Variants in SLC6A11 observed in about 807,000 individuals in gnomAD.
SLC6A11 encodes solute carrier family 6 member 11, also known as sodium- and chloride-dependent GABA transporter 3.
A neutral mutation model predicts 74.8 loss-of-function variants in SLC6A11; 25 were observed. The ratio of observed to expected loss-of-function variants is 0.33; its 90% CI spans 0.24 to 0.47. The LOEUF (loss-of-function observed/expected upper bound fraction) is 0.47. SLC6A11 is among the 20% of genes least tolerant of loss of function. The pLI is 1.00. For missense variants in SLC6A11, 574 were observed against 837.0 expected (o/e 0.69, Z 3.88); for synonymous variants, 330 against 330.2 (o/e 1.00, Z 0.01).
intron 5 of SLC6A11, among the ~76,000 whole-genome samples, chr3:10,850,357 C>G (rs1694557911): frequency 1.3e-5 from 2 of 152,346 alleles, no homozygotes; most frequent in South Asian, 4.1e-4. Flanking sequence ...CTCGCTCATT[C>G]ATTCACTCAC....
chr3:10,931,776 T>C (rs2697158), intron 10 of SLC6A11, among the ~76,000 whole-genome samples: 25,755 of 152,144 alleles, frequency 0.17, 2,301 homozygotes, highest in South Asian at 0.21. Context: ...CACACCCACC[T>C]CCCTTTTCTC....
chr3:10,866,587 G>A (rs554769479), intron 5 of SLC6A11, among the ~76,000 whole-genome samples: 32 of 152,198 alleles, frequency 2.1e-4, no homozygotes, highest in Non-Finnish European at 3.8e-4. Flanking sequence ...CCCCACACAC[G>A]GGCTAATTTT....
At chr3:10,934,535 T>C (rs1183608036) in intron 12 of SLC6A11, among the ~76,000 whole-genome samples, 2 of 152,228 alleles carry the variant, frequency 1.3e-5, no homozygotes, top group Non-Finnish European at 2.9e-5. Flanking sequence ...AGGGTGACAC[T>C]GGGGTTCATG....
At position 10,819,764 on chromosome 3, in the gene SLC6A11, C is replaced by T; in HGVS notation, c.444C>T (p.Ile148=). 6.2e-7 allele frequency: 1 copy of T among 1,614,210 alleles called. No homozygotes were observed. Among genetic ancestry groups the T allele is most frequent in the Non-Finnish European group, 8.5e-7 (1 of 1,180,020 alleles). The change falls in exon 3 of 14, where the codon ATC becomes ATT. Residue 148 remains isoleucine (I), a synonymous_variant. Transcript: ENST00000254488. ...AGGCCCATCTGAATGTGTACTACATCATCATCCTGGCATGGGCCATTTTTT... is the reference window on the plus strand; with the variant it reads ...AGGCCCATCTGAATGTGTACTACATTATCATCCTGGCATGGGCCATTTTTT... ...VIEAHLNVYY[I]IILAWAIFYL...
chr3:10,857,291 G>C (rs1448788968), intron 5 of SLC6A11, among the ~76,000 whole-genome samples: 1 of 152,188 alleles, frequency 6.6e-6, no homozygotes, highest in Admixed American at 6.5e-5. Flanking sequence ...TGGAAAGGGA[G>C]AGCCAAGGAT....
chr3:10,822,786 G>T (rs1490246099), intron 3 of SLC6A11, among the ~76,000 whole-genome samples: 2 of 152,108 alleles, frequency 1.3e-5, no homozygotes, highest in Non-Finnish European at 2.9e-5. Flanking sequence ...AAGAAACCAG[G>T]GATTCTTGGC....
chr3:10,926,764 C>T lies in SLC6A11; in HGVS notation c.1233+648C>T, dbSNP rs532757657. 1.7e-4 allele frequency among the ~76,000 whole-genome samples: 26 copies of T among 152,252 alleles called. No homozygotes were observed. Among genetic ancestry groups the T allele is most frequent in the African/African-American group, 5.5e-4 (23 of 41,544 alleles). On this transcript the variant is annotated intron_variant, in intron 9 of 13. Coordinates refer to ENST00000254488, the MANE Select transcript of SLC6A11 (RefSeq NM_014229.3). The surrounding 1 kb of genome is among the most constrained non-coding windows in gnomAD (Gnocchi z 5.7). ...CCTTTGTTGCCACACAGCACGCAGGCGCTCGCTTCCCGCACTGAGCACACT... is the reference window on the plus strand; with the variant it reads ...CCTTTGTTGCCACACAGCACGCAGGTGCTCGCTTCCCGCACTGAGCACACT...
chr3:10,923,567 G>T (rs1166266382), intron 8 of SLC6A11, among the ~76,000 whole-genome samples: 1 of 152,114 alleles, frequency 6.6e-6, no homozygotes, highest in African/African-American at 2.4e-5. Flanking sequence ...CCTTGGAGAA[G>T]AATTATAATT....
intron 6 of SLC6A11, among the ~76,000 whole-genome samples, chr3:10,884,825 C>T (rs1482069439): frequency 6.6e-6 from 1 of 152,220 alleles, no homozygotes; most frequent in Non-Finnish European, 1.5e-5. Context: ...GTTACCTCTA[C>T]TTTGGGACAA....
intron 7 of SLC6A11, among the ~76,000 whole-genome samples, chr3:10,912,464 TAA>T (rs905578236): frequency 1.5e-4 from 23 of 152,314 alleles, no homozygotes; most frequent in African/African-American, 5.1e-4. Flanking sequence ...CCTCGTATGG[TAA>T]AGACGTATTC....
intron 6 of SLC6A11, among the ~76,000 whole-genome samples, chr3:10,895,775 G>A (rs770261925): frequency 3.2e-4 from 49 of 151,802 alleles, no homozygotes; most frequent in Non-Finnish European, 5.3e-4. Context: ...GGCAGCTTGC[G>A]TGGCTTCTCA....
intron 6 of SLC6A11, among the ~76,000 whole-genome samples, chr3:10,878,512 C>G (rs888607407): frequency 1.3e-5 from 2 of 149,724 alleles, no homozygotes; most frequent in African/African-American, 4.9e-5. Flanking sequence ...TCAAGCAATT[C>G]TCCTGCCTCA....
chr3:10,840,905 A>T (rs754827510), intron 4 of SLC6A11, among the ~76,000 whole-genome samples: 1 of 152,148 alleles, frequency 6.6e-6, no homozygotes, highest in Non-Finnish European at 1.5e-5. Flanking sequence ...TTGAAAAGCC[A>T]TTGAAGGTAG....
chr3:10,914,749 C>T (rs1021680417), intron 7 of SLC6A11, among the ~76,000 whole-genome samples: 13 of 152,060 alleles, frequency 8.5e-5, no homozygotes, highest in Admixed American at 4.6e-4. Flanking sequence ...AGAGAGGCAC[C>T]CAGATAGGAA....
At chr3:10,839,087 C>T (rs982618669) in intron 4 of SLC6A11, among the ~76,000 whole-genome samples, 1 of 152,162 alleles carries the variant, frequency 6.6e-6, no homozygotes, top group Non-Finnish European at 1.5e-5. Context: ...CTGCCACCAT[C>T]GTAAGGGCCT....
rs1695483230 is a variant in SLC6A11 at position 10,918,125 on chromosome 3, G to A, written c.996-204G>A. 6.6e-6 allele frequency among the ~76,000 whole-genome samples: 1 copy of A among 152,146 alleles called. No homozygotes were observed. The highest frequency in any genetic ancestry group is 1.5e-5 in the Non-Finnish European group (1 of 68,022). On this transcript the variant is annotated intron_variant, in intron 7 of 13. Coordinates refer to ENST00000254488, the MANE Select transcript of SLC6A11 (RefSeq NM_014229.3). This position sits in a 1 kb window ranked among gnomAD's most constrained non-coding sequence, Gnocchi z 4.5. ...GATTCGTGACCTACCTTACCTTCTA[G>A]AAATTCAGGAGAAGCTGTGTGACCA...
At chr3:10,878,269 T>G (rs1427206119) in intron 6 of SLC6A11, among the ~76,000 whole-genome samples, 1 of 152,092 alleles carries the variant, frequency 6.6e-6, no homozygotes, top group East Asian at 1.9e-4. Context: ...GGTATTGACC[T>G]CCTCTCTGGG....
intron 4 of SLC6A11, among the ~76,000 whole-genome samples, chr3:10,831,392 T>C (rs1424539746): frequency 1.3e-5 from 2 of 152,218 alleles, no homozygotes; most frequent in South Asian, 2.1e-4. Flanking sequence ...TTAAATATGA[T>C]ATGTATTAGA....
chr3:10,907,933 T>A (rs987005821), intron 6 of SLC6A11, among the ~76,000 whole-genome samples: 8 of 152,234 alleles, frequency 5.3e-5, no homozygotes, highest in Non-Finnish European at 1.2e-4. Context: ...TGGGGGTGAT[T>A]GTTAAATTCA....
Sources: allele counts gnomAD v4.1 joint callset (sites outside exome capture counted in the v4.1 genomes callset), GRCh38; gene constraint gnomAD v4.1.1; non-coding constraint Gnocchi (gnomAD v3.1); transcripts MANE v1.5; gene names NCBI Gene and HGNC (gene_info 2026-07-23, HGNC 2026-07-21).